The following SUPT3H variants were observed in gnomAD, a reference collection of about 807,000 sequenced individuals.
SUPT3H encodes the protein transcription initiation protein SPT3 homolog.
SUPT3H carries 44 observed loss-of-function variants against 44.3 expected under a neutral mutation model. The observed-to-expected ratio is 0.99, with a 90% CI of 0.78 to 1.28. The LOEUF is 1.28. SUPT3H is among the 50% of genes most tolerant of loss of function. The probability of loss-of-function intolerance (pLI) is 0.00; values close to 1 mark genes in which losing one functional copy is unlikely to be tolerated. For synonymous variants in SUPT3H, 124 were observed against 125.6 expected (o/e 0.99, Z 0.09); for missense variants, 380 against 387.1 (o/e 0.98, Z 0.15).
At chr6:45,307,937 C>A (rs9472460) in intron 2 of SUPT3H, among the ~76,000 whole-genome samples, 1 of 151,966 alleles carries the variant, frequency 6.6e-6, no homozygotes, top group Non-Finnish European at 1.5e-5. Flanking sequence ...CTGAAAACCA[C>A]GGCACGAGAA....
rs146528490 is a variant in SUPT3H at position 45,083,083 on chromosome 6, AAGG to A, written c.186+22836_186+22838del. On this transcript the variant is annotated intron_variant, in intron 3 of 10. Coordinates refer to ENST00000371459, the MANE Select transcript of SUPT3H (RefSeq NM_003599.4). ...CTAACAAAGGAGGTGAAAGATCTACAAGGAGAACTATAAAACCCTGCTGTAAGA... is the reference window on the plus strand; with the variant it reads ...CTAACAAAGGAGGTGAAAGATCTACAAGAACTATAAAACCCTGCTGTAAGA... Among the ~76,000 whole-genome samples, 617 of 152,058 alleles carry A rather than the reference AAGG, an allele frequency of 4.1e-3. 6 individuals carry two copies. The highest frequency in any genetic ancestry group is 0.014 in the African/African-American group (577 of 41,514).
chr6:45,101,412 C>T (rs113836727), intron 3 of SUPT3H, among the ~76,000 whole-genome samples: 3,655 of 152,124 alleles, frequency 0.024, 167 homozygotes, highest in African/African-American at 0.083. Flanking sequence ...GCAACAAGAG[C>T]GAAACTCCGT....
chr6:45,036,134 C>A (rs1398727835), intron 3 of SUPT3H, among the ~76,000 whole-genome samples: 1 of 152,108 alleles, frequency 6.6e-6, no homozygotes, highest in Non-Finnish European at 1.5e-5. Context: ...TGTCATGAAG[C>A]TTATCGTTTA....
chr6:44,954,809 G>A (rs942537175), intron 7 of SUPT3H, among the ~76,000 whole-genome samples: 2 of 152,184 alleles, frequency 1.3e-5, no homozygotes, highest in African/African-American at 4.8e-5. Context: ...CACAATGGTT[G>A]TTTTCAACAA....
At chr6:45,190,264 G>C (rs1814908474) in intron 2 of SUPT3H, among the ~76,000 whole-genome samples, 1 of 151,992 alleles carries the variant, frequency 6.6e-6, no homozygotes. Flanking sequence ...TACATATCTT[G>C]AAAAAGATTC....
chr6:45,035,431 T>A (rs1787534448), intron 3 of SUPT3H, among the ~76,000 whole-genome samples: 1 of 152,138 alleles, frequency 6.6e-6, no homozygotes, highest in Non-Finnish European at 1.5e-5. Flanking sequence ...CTGTTTTATG[T>A]CCAAAAGGTT....
At chr6:45,218,695 T>C (rs1765495944) in intron 2 of SUPT3H, among the ~76,000 whole-genome samples, 1 of 152,166 alleles carries the variant, frequency 6.6e-6, no homozygotes, top group Non-Finnish European at 1.5e-5. Flanking sequence ...GATCACGCCA[T>C]TGCATTCCAG....
chr6:44,978,817 T>C (rs1290061698), intron 6 of SUPT3H, among the ~76,000 whole-genome samples: 2 of 152,168 alleles, frequency 1.3e-5, no homozygotes, highest in South Asian at 2.1e-4. Flanking sequence ...AAAAACCCTA[T>C]AATCACTGGG....
intron 2 of SUPT3H, among the ~76,000 whole-genome samples, chr6:45,282,665 G>T (rs1463988857): frequency 6.6e-6 from 1 of 152,156 alleles, no homozygotes; most frequent in Non-Finnish European, 1.5e-5. Context: ...CACTCTGCAG[G>T]ATATTATCCA....
At chr6:44,884,101 A>T (rs181334686) in intron 10 of SUPT3H, among the ~76,000 whole-genome samples, 66 of 152,286 alleles carry the variant, frequency 4.3e-4, no homozygotes, top group Admixed American at 4.3e-3. Context: ...AAATTTTTGC[A>T]ATCTATCCAT....
chr6:45,128,331 C>T (rs908595826), intron 2 of SUPT3H, among the ~76,000 whole-genome samples: 9 of 150,428 alleles, frequency 6.0e-5, no homozygotes, highest in African/African-American at 2.2e-4. Context: ...ATGGTGAAAC[C>T]CCGTCTCTAC....
At chr6:45,014,407 C>T (rs115316701) in intron 5 of SUPT3H, among the ~76,000 whole-genome samples, 215 of 152,184 alleles carry the variant, frequency 1.4e-3, no homozygotes, top group African/African-American at 5.1e-3. Flanking sequence ...AAGCACTCCA[C>T]GTGTTACACA....
intron 2 of SUPT3H, among the ~76,000 whole-genome samples, chr6:45,143,581 T>C (rs1805580288): frequency 6.6e-6 from 1 of 152,126 alleles, no homozygotes; most frequent in Non-Finnish European, 1.5e-5. Context: ...TAGTATTAAA[T>C]GCCTACATCA....
Position 44,952,349 on chromosome 6 carries a change from C to T in SUPT3H, c.801+961G>A, listed in dbSNP as rs188403895. On this transcript the variant is annotated intron_variant, in intron 9 of 10. Coordinates refer to ENST00000371459, the MANE Select transcript of SUPT3H (RefSeq NM_003599.4). ...TTATAGAAAAAGGGTTTATAGTTTT[C>T]ATCAGATTCTCAAAGGGGTGTGTGA... is the stretch of plus-strand genomic sequence containing the variant. 1.2e-3 allele frequency among the ~76,000 whole-genome samples: 179 copies of T among 152,264 alleles called. 1 individual carries two copies. The highest frequency in any genetic ancestry group is 4.2e-3 in the African/African-American group (175 of 41,552).
intron 2 of SUPT3H, among the ~76,000 whole-genome samples, chr6:45,285,600 A>G (rs2149828022): frequency 6.6e-6 from 1 of 152,292 alleles, no homozygotes; most frequent in South Asian, 2.1e-4. Context: ...AAGAGGATAC[A>G]AACAAATGGA....
At chr6:45,263,629 A>C (rs181296847) in intron 2 of SUPT3H, among the ~76,000 whole-genome samples, 19 of 152,282 alleles carry the variant, frequency 1.2e-4, no homozygotes, top group Non-Finnish European at 7.4e-5. Context: ...CCCTGAATCT[A>C]AAATAAAATT....
chr6:45,343,345 C>A (rs887064092), intron 2 of SUPT3H, among the ~76,000 whole-genome samples: 1 of 151,992 alleles, frequency 6.6e-6, no homozygotes. Context: ...TACTAAAGGT[C>A]CCTAAAGTTG....
chr6:45,300,373 A>G (rs1781957733), intron 2 of SUPT3H, among the ~76,000 whole-genome samples: 1 of 152,250 alleles, frequency 6.6e-6, no homozygotes, highest in South Asian at 2.1e-4. Context: ...ATTTGAAAGA[A>G]GAGTATCCAC....
Position 45,036,534 on chromosome 6 carries a change from A to G in SUPT3H, c.187-15902T>C, listed in dbSNP as rs541612483. On this transcript the variant is annotated intron_variant, in intron 3 of 10. Transcript: ENST00000371459. ...AACAGGGATAAGAAAAAATGAGGTC[A>G]CAGGTAAAGCTTAAAAAGTTACATT... 3.9e-5 allele frequency among the ~76,000 whole-genome samples: 6 copies of G among 152,318 alleles called. No homozygotes were observed. The South Asian group carries it at 1.0e-3, about 26-fold the overall frequency.
Sources: allele counts gnomAD v4.1 joint callset (sites outside exome capture counted in the v4.1 genomes callset), GRCh38; gene constraint gnomAD v4.1.1; transcripts MANE v1.5; gene names NCBI Gene and HGNC (gene_info 2026-07-23, HGNC 2026-07-21).